Variants in RFK observed in about 807,000 individuals in gnomAD.
The protein encoded by RFK is 0610038L10Rik.
A neutral mutation model predicts 17.6 loss-of-function variants in RFK; 4 were observed. The ratio of observed to expected loss-of-function variants is 0.23; its 90% confidence interval spans 0.11 to 0.52. The LOEUF (loss-of-function observed/expected upper bound fraction) is 0.52, where lower values mean the gene tolerates loss of function less well. Ranked by LOEUF, RFK falls within the 20% of genes least tolerant of loss-of-function variation. The probability of loss-of-function intolerance (pLI) is 0.96; values close to 1 mark genes in which losing one functional copy is unlikely to be tolerated. For synonymous variants in RFK, 59 were observed against 63.8 expected, an observed-to-expected ratio of 0.92 and a Z score of 0.36; for missense variants, 189 against 187.7, an observed-to-expected ratio of 1.01 and a Z score of -0.04.
chr9:76,387,717 A>G, intron 3 of RFK, 188 bp from the exon 4 acceptor site: 1 of 514,504 alleles, frequency 1.9e-6, no homozygotes, highest in South Asian at 2.8e-5. Context: ...ATATGTCCCT[A>G]GGCCGGGGGC....
intron 2 of RFK, among the ~76,000 whole-genome samples, chr9:76,391,439 C>T (rs891321077): frequency 6.6e-6 from 1 of 152,154 alleles, no homozygotes; most frequent in African/African-American, 2.4e-5. Flanking sequence ...GAGAAAAGCA[C>T]CAATGTGGGA....
rs1822752813 is a variant in RFK, at chr9:76,387,410, T to C, written c.457A>G (p.Asn153Asp). 1 of 1,606,668 alleles carries C rather than the reference T, an allele frequency of 6.2e-7. No individual in the cohort carries two copies. Among genetic ancestry groups the C allele is most frequent in the Admixed American group, 1.7e-5 (1 of 59,734 alleles). ...AATACAATTTTTCATCAGTGGCCAT[T>C]CATTATTTTGCTTTTAGAAACCTGG... ...FFQVSKSKIM[N>D]GH Residue 153 changes from asparagine to aspartate, a missense_variant, in exon 4 of 4, where the codon AAT becomes GAT. Around this residue, in one of 3 missense-constraint regions of RFK, gnomAD observed 95 missense variants for 95.7 expected, o/e 0.99. Coordinates refer to ENST00000376736, the MANE Select transcript of RFK (RefSeq NM_018339.6).
chr9:76,391,229 T>C (rs1822816253), intron 2 of RFK, among the ~76,000 whole-genome samples: 2 of 152,234 alleles, frequency 1.3e-5, no homozygotes, highest in Admixed American at 6.5e-5. Context: ...AGCATTTAGC[T>C]CTGTAGTTTT....
At position 76,392,579 on chromosome 9, in the gene RFK, A is replaced by G. The variant is rs1372189073; in HGVS notation, c.83-10T>C. On this transcript the variant is annotated splice_polypyrimidine_tract_variant and intron_variant, in intron 1 of 3. Coordinates refer to ENST00000376736, the MANE Select transcript of RFK (RefSeq NM_018339.6). ...TGCTCAGGAAAATTAGCTAAACAAC[A>G]GAAGAAAATATTTTGAGTCTTACAA... The G allele has an allele frequency of 5.0e-6, 8 of 1,613,728 alleles. No individual in the cohort carries two copies. The highest frequency in any genetic ancestry group is 6.8e-6 in the Non-Finnish European group (8 of 1,179,768).
At chr9:76,391,174 G>A (rs1008659147) in intron 2 of RFK, among the ~76,000 whole-genome samples, 1 of 152,180 alleles carries the variant, frequency 6.6e-6, no homozygotes, top group Non-Finnish European at 1.5e-5. Context: ...CTGAAATACT[G>A]AGCAAAATGT....
intron 2 of RFK, among the ~76,000 whole-genome samples, chr9:76,391,296 CTGTAA>C (rs1269177067): frequency 6.6e-6 from 1 of 152,240 alleles, no homozygotes; most frequent in East Asian, 1.9e-4. Flanking sequence ...TTTAGCTTCA[CTGTAA>C]TTTGTTTTTG....
At chr9:76,390,104 G>A (rs1822797803) in intron 2 of RFK, among the ~76,000 whole-genome samples, 1 of 152,148 alleles carries the variant, frequency 6.6e-6, no homozygotes, top group East Asian at 1.9e-4. Flanking sequence ...TATGTCCCAG[G>A]TGACACTACA....
intron 3 of RFK, 74 bp downstream of exon 3, chr9:76,388,477 CATT>C (rs1822771319): frequency 1.2e-6 from 1 of 862,210 alleles, no homozygotes; most frequent in Non-Finnish European, 2.0e-6. Flanking sequence ...GTCCTGCCAT[CATT>C]ATTACTGGTA....
At position 76,387,270 on chromosome 9, in the gene RFK, G is replaced by C. The variant is rs1189082378; in HGVS notation, c.*129C>G. 1 of 809,602 alleles carries C rather than the reference G, an allele frequency of 1.2e-6. No homozygotes were observed. Among genetic ancestry groups the C allele is most frequent in the Non-Finnish European group, 2.0e-6 (1 of 507,666 alleles). 50.2% of individuals were successfully genotyped at this position (809,602 alleles called of 1,614,324 possible). Reference sequence around the variant, plus strand: ...TGAAGCATGATATGATAACAACATTGTACGGTTTAAACTAATTCACAACTG... The same window carrying C: ...TGAAGCATGATATGATAACAACATTCTACGGTTTAAACTAATTCACAACTG... On this transcript the variant is annotated 3_prime_UTR_variant, in exon 4 of 4. Coordinates refer to ENST00000376736, the MANE Select transcript of RFK (RefSeq NM_018339.6).
rs1482357495 is a variant in RFK at position 76,385,972 on chromosome 9, T to C, written c.*1427A>G. 2 of 152,246 alleles carry C rather than the reference T, an allele frequency of 1.3e-5. No individual in the cohort carries two copies. The highest frequency in any genetic ancestry group is 2.4e-5 in the African/African-American group (1 of 41,464). The allele number at this position is 152,246 out of a possible 1,614,324, so 9.4% of individuals were successfully genotyped here. A position where few individuals can be genotyped will look rare whatever the true frequency, so the allele number is the denominator to read the frequency against. On this transcript the variant is annotated 3_prime_UTR_variant, in exon 4 of 4. Transcript: ENST00000376736. ...CTTCTCCAACAGCTTTAGATGTTTTTCTGAGTACTTTTTACACAGAATATT... is the reference window on the plus strand; with the variant it reads ...CTTCTCCAACAGCTTTAGATGTTTTCCTGAGTACTTTTTACACAGAATATT...
chr9:76,391,830 G>A (rs958119521), intron 2 of RFK, among the ~76,000 whole-genome samples: 1 of 152,058 alleles, frequency 6.6e-6, no homozygotes, highest in Non-Finnish European at 1.5e-5. Context: ...CTGGAGGCTG[G>A]AGGAGGATTA....
chr9:76,388,078 T>C (rs1453714115), intron 3 of RFK: 2 of 350,864 alleles, frequency 5.7e-6, no homozygotes, highest in Non-Finnish European at 1.1e-5. Flanking sequence ...ACTGCAAATA[T>C]CAAATGGAGG....
chr9:76,390,413 T>C (rs1164612882), intron 2 of RFK, among the ~76,000 whole-genome samples: 1 of 152,082 alleles, frequency 6.6e-6, no homozygotes, highest in Non-Finnish European at 1.5e-5. Context: ...CCTGTAATCC[T>C]GGCACTTTGG....
intron 3 of RFK, chr9:76,388,227 C>G: frequency 2.0e-6 from 1 of 489,980 alleles, no homozygotes; most frequent in Non-Finnish European, 4.0e-6. Flanking sequence ...ATATCTCAAA[C>G]TTCACACATT....
chr9:76,394,172 A>G lies in RFK; in HGVS notation c.-1T>C. The G allele has an allele frequency of 1.2e-6, 2 of 1,601,232 alleles. No homozygotes were observed. The highest frequency in any genetic ancestry group is 1.7e-6 in the Non-Finnish European group (2 of 1,175,150). On this transcript the variant is annotated 5_prime_UTR_variant, in exon 1 of 4. Transcript: ENST00000376736. ...GGCAGAAGTAAGGCAGGTGCCTCAT[A>G]ATGCAGTCCGCTCGGGGAATGGGCT...
chr9:76,393,954 G>C, intron 1 of RFK, 136 bp downstream of exon 1: 2 of 750,674 alleles, frequency 2.7e-6, no homozygotes, highest in Non-Finnish European at 4.2e-6. Context: ...ACAGACAAGG[G>C]GATGCGGGAG....
At chr9:76,390,437 GA>G (rs1822803888) in intron 2 of RFK, among the ~76,000 whole-genome samples, 1 of 152,174 alleles carries the variant, frequency 6.6e-6, no homozygotes, top group African/African-American at 2.4e-5. Flanking sequence ...GCTGAGGCAG[GA>G]GGACTGCTTG....
At position 76,392,580 on chromosome 9, in the gene RFK, G is replaced by C. The variant is rs1237136263; in HGVS notation, c.83-11C>G. 1.9e-6 allele frequency: 3 copies of C among 1,613,702 alleles called. No individual in the cohort carries two copies. The South Asian group carries it at 3.3e-5, about 18-fold the overall frequency. ...GCTCAGGAAAATTAGCTAAACAACA[G>C]AAGAAAATATTTTGAGTCTTACAAA... On this transcript the variant is annotated splice_polypyrimidine_tract_variant and intron_variant, in intron 1 of 3. Coordinates refer to ENST00000376736, the MANE Select transcript of RFK (RefSeq NM_018339.6).
chr9:76,390,068 T>C (rs1481511034), intron 2 of RFK, among the ~76,000 whole-genome samples: 7 of 152,192 alleles, frequency 4.6e-5, no homozygotes, highest in Admixed American at 1.3e-4. Flanking sequence ...ATTTTTGGAC[T>C]CACACACATA....
Sources: gnomAD v4.1 joint callset for allele counts (sites outside exome capture counted in the v4.1 genomes callset) on GRCh38, gnomAD v4.1.1 for gene constraint, gnomAD v4.1.1 regional missense constraint, MANE v1.5 for transcripts, NCBI Gene and HGNC (gene_info 2026-07-23, HGNC 2026-07-21) for gene names.